RIMS1: variants seen among roughly 807,000 people sequenced by gnomAD.
The protein encoded by RIMS1 is regulating synaptic membrane exocytosis 1.
RIMS1 carries 83 observed loss-of-function variants against 214.1 expected under a neutral mutation model. That is an observed-to-expected ratio of 0.39 (90% CI 0.32 to 0.47). The LOEUF is 0.47. Among genes scored for constraint, RIMS1 ranks in the 20% least tolerant of loss-of-function variants. The pLI is 0.99. For missense variants in RIMS1, 2,050 were observed against 2,161.8 expected (o/e 0.95, Z 1.03); for synonymous variants, 793 against 786.8 (o/e 1.01, Z -0.13).
chr6:72,265,085 A>G, intron 20 of RIMS1, 33 bp downstream of exon 20: 2 of 1,257,772 alleles, frequency 1.6e-6, no homozygotes, highest in Non-Finnish European at 2.3e-6. Context: ...CCACCCAGTT[A>G]TAAAGTAATT....
chr6:71,922,042 C>T (rs1238372952), intron 1 of RIMS1, among the ~76,000 whole-genome samples: 1 of 152,168 alleles, frequency 6.6e-6, no homozygotes, highest in Non-Finnish European at 1.5e-5. Context: ...TATACTCACC[C>T]AGCTTCGGTC....
At chr6:71,890,744 CTTATT>C (rs1004050595) in intron 1 of RIMS1, among the ~76,000 whole-genome samples, 2 of 152,014 alleles carry the variant, frequency 1.3e-5, no homozygotes, top group African/African-American at 4.8e-5. Context: ...CACACTAGCT[CTTATT>C]TTAAGTTATT....
At chr6:72,212,876 C>T (rs2054069900) in intron 6 of RIMS1, 8 of 1,176,522 alleles carry the variant, frequency 6.8e-6, no homozygotes, top group Non-Finnish European at 8.4e-6. Context: ...TTTATCCAAG[C>T]AGTCCTTTGG....
At chr6:72,047,062 A>G (rs1288333243) in intron 2 of RIMS1, among the ~76,000 whole-genome samples, 1 of 152,202 alleles carries the variant, frequency 6.6e-6, no homozygotes, top group Non-Finnish European at 1.5e-5. Flanking sequence ...ACTGTTATAT[A>G]GCCTAAAATG....
rs561216914 is a variant in RIMS1, at chr6:72,371,004, C to T, written c.4367-19594C>T. Among the ~76,000 whole-genome samples, 3 of 152,100 alleles carry T rather than the reference C, an allele frequency of 2.0e-5. No homozygotes were observed. The East Asian group carries it at 5.8e-4, about 29-fold the overall frequency. Reference sequence around the variant, plus strand: ...CGGATATGAGAAAATCTGCCTTCTCCTAAAAATATGAGATTTTTTATATGA... The same window carrying T: ...CGGATATGAGAAAATCTGCCTTCTCTTAAAAATATGAGATTTTTTATATGA... On this transcript the variant is annotated intron_variant, in intron 29 of 33. Transcript: ENST00000521978.
intron 18 of RIMS1, 108 bp from the exon 19 acceptor site, chr6:72,260,597 G>A (rs1416858659): frequency 7.0e-7 from 1 of 1,430,788 alleles, no homozygotes. Flanking sequence ...ATATGCTAGT[G>A]CAGACAATCT....
chr6:72,315,294 G>C (rs1186148054), intron 28 of RIMS1, among the ~76,000 whole-genome samples: 3 of 152,056 alleles, frequency 2.0e-5, no homozygotes, highest in Non-Finnish European at 4.4e-5. Flanking sequence ...GTGAGAAGAG[G>C]GGTGGACCTA....
intron 4 of RIMS1, among the ~76,000 whole-genome samples, chr6:72,124,923 C>T (rs920156811): frequency 6.6e-6 from 1 of 152,268 alleles, no homozygotes; most frequent in Admixed American, 6.5e-5. Context: ...TGGGTTCAAA[C>T]ATCCTCCTTT....
chr6:72,230,496 A>G (rs2061605262), intron 6 of RIMS1, among the ~76,000 whole-genome samples: 1 of 151,660 alleles, frequency 6.6e-6, no homozygotes, highest in Non-Finnish European at 1.5e-5. Flanking sequence ...TTTTTAACAT[A>G]CACATGCTCA....
In RIMS1 at chr6:72,233,764, A is replaced by T. The variant is rs1589870304; in HGVS notation, c.1679-9A>T. 9.6e-6 allele frequency: 15 copies of T among 1,556,336 alleles called. No individual in the cohort carries two copies. The highest frequency in any genetic ancestry group is 1.3e-5 in the Non-Finnish European group (15 of 1,145,274). On this transcript the variant is annotated splice_polypyrimidine_tract_variant and intron_variant, in intron 6 of 33. Transcript: ENST00000521978. ...CCATTACACTTTTCATTCTTTTTGT[A>T]TTGCACAGGTGATTTGGATTATTAC...
chr6:71,904,765 A>G (rs1450579574), intron 1 of RIMS1, among the ~76,000 whole-genome samples: 1 of 152,176 alleles, frequency 6.6e-6, no homozygotes, highest in Admixed American at 6.6e-5. Context: ...TCAACTGGTA[A>G]GACTGTCCAG....
In RIMS1 at chr6:72,269,127, AC is replaced by A. The variant is rs1338933295; in HGVS notation, c.3398+3080del. On this transcript the variant is annotated intron_variant, in intron 22 of 33. Transcript: ENST00000521978. ...GCTTATGAAAGGGTAGTTTAAACTT[AC>A]CGCCTGCATTTTTTACCTTCCAGTA... 2.0e-5 allele frequency among the ~76,000 whole-genome samples: 3 copies of A among 152,142 alleles called. No individual in the cohort carries two copies. The East Asian group carries it at 5.8e-4, about 29-fold the overall frequency.
intron 1 of RIMS1, among the ~76,000 whole-genome samples, chr6:71,887,479 G>A (rs1440673017): frequency 6.6e-6 from 1 of 152,116 alleles, no homozygotes; most frequent in South Asian, 2.1e-4. Flanking sequence ...CTCGTGGTGG[G>A]AAGTGCAGAA....
chr6:72,143,622 G>A (rs148321304), intron 4 of RIMS1, among the ~76,000 whole-genome samples: 1 of 152,304 alleles, frequency 6.6e-6, no homozygotes, highest in Admixed American at 6.5e-5. Context: ...AAGGTTCTAC[G>A]TTGAAACCTT....
chr6:72,235,502 A>G (rs1318955960), intron 7 of RIMS1, 116 bp from the exon 8 acceptor site: 3 of 642,336 alleles, frequency 4.7e-6, no homozygotes, highest in Admixed American at 2.4e-5. Context: ...TTCACTTAAC[A>G]TAATGTTCTG....
chr6:72,400,761 A>T lies in RIMS1; in HGVS notation c.*47A>T. On this transcript the variant is annotated 3_prime_UTR_variant, in exon 34 of 34. Coordinates refer to ENST00000521978, the MANE Select transcript of RIMS1 (RefSeq NM_014989.7). The stretch of plus-strand genomic sequence containing the variant: ...CCAATAAAACTCTACTTTTCAGGAT[A>T]ATAATCTGAACCAGATATTTCATGA... The T allele has an allele frequency of 3.6e-6, 5 of 1,396,734 alleles. No homozygotes were observed. Among genetic ancestry groups the T allele is most frequent in the Non-Finnish European group, 5.0e-6 (5 of 996,824 alleles). 86.5% of individuals were successfully genotyped at this position (1,396,734 alleles called of 1,614,324 possible).
At chr6:72,046,951 T>C (rs1343538617) in intron 2 of RIMS1, among the ~76,000 whole-genome samples, 1 of 152,158 alleles carries the variant, frequency 6.6e-6, no homozygotes, top group African/African-American at 2.4e-5. Context: ...TGAAGTCATA[T>C]GACTCAGGAA....
chr6:72,235,688 C>A lies in RIMS1; in HGVS notation c.1817C>A (p.Thr606Lys). Residue 606 changes from threonine to lysine, a missense_variant, in exon 8 of 34, where the codon ACA (threonine) becomes AAA (lysine). Thr to Lys is a moderately conservative substitution (Grantham distance 78). This residue lies in a region of RIMS1 where 882 missense variants were observed against 828.9 expected (regional missense o/e 1.06). Transcript: ENST00000521978. ...LIGRVILNKR[T>K]TMPKDSGALL... ...GGACGTGTTATTCTTAACAAGAGAA[C>A]AACCATGCCCAAAGACTCAGGTGCA... The A allele has an allele frequency of 6.2e-7, 1 of 1,609,398 alleles. No individual in the cohort carries two copies. The highest frequency in any genetic ancestry group is 1.7e-4 in the Middle Eastern group (1 of 6,048).
intron 1 of RIMS1, among the ~76,000 whole-genome samples, chr6:71,965,862 A>C (rs993007723): frequency 2.6e-5 from 4 of 152,150 alleles, no homozygotes; most frequent in Non-Finnish European, 4.4e-5. Flanking sequence ...TGGTCTCCTT[A>C]TGTCGGGCTG....
Sources: gnomAD v4.1 joint callset for allele counts (sites outside exome capture counted in the v4.1 genomes callset) on GRCh38, gnomAD v4.1.1 for gene constraint, gnomAD v4.1.1 regional missense constraint, MANE v1.5 for transcripts, NCBI Gene and HGNC (gene_info 2026-07-23, HGNC 2026-07-21) for gene names.